The following BPNT1 variants were observed in gnomAD, a reference collection of about 807,000 sequenced individuals.
BPNT1 encodes the protein 3'(2'), 5'-bisphosphate nucleotidase 1.
In BPNT1, 28 loss-of-function variants were observed where a neutral mutation model predicts 36.9. The observed-to-expected ratio is 0.76, with a 90% CI of 0.56 to 1.04. The LOEUF (loss-of-function observed/expected upper bound fraction) is 1.04, where lower values mean the gene tolerates loss of function less well. Ranked by LOEUF, BPNT1 falls within the 50% of genes least tolerant of loss-of-function variation. BPNT1 has a pLI of 0.00. For synonymous variants in BPNT1, 119 were observed against 130.9 expected, an observed-to-expected ratio of 0.91 and a Z score of 0.62; for missense variants, 313 against 372.9, an observed-to-expected ratio of 0.84 and a Z score of 1.32.
chr1:220,085,083 A>G (rs1655588327), intron 1 of BPNT1, among the ~76,000 whole-genome samples: 2 of 152,046 alleles, frequency 1.3e-5, no homozygotes, highest in South Asian at 2.1e-4. Context: ...TAAAAAAAAA[A>G]AAAGAAAAAA....
intron 6 of BPNT1, among the ~76,000 whole-genome samples, chr1:220,066,706 T>C (rs1663564576): frequency 6.6e-6 from 1 of 152,134 alleles, no homozygotes; most frequent in Non-Finnish European, 1.5e-5. Context: ...TGATGTATAA[T>C]AGAAAATCAA....
chr1:220,063,924 A>G (rs903864443), intron 6 of BPNT1, among the ~76,000 whole-genome samples: 1 of 152,220 alleles, frequency 6.6e-6, no homozygotes, highest in African/African-American at 2.4e-5. Context: ...TTTCATGGAA[A>G]GTAAAACTGA....
chr1:220,075,347 TTAG>T (rs1239765162), intron 2 of BPNT1, among the ~76,000 whole-genome samples: 1 of 152,218 alleles, frequency 6.6e-6, no homozygotes, highest in African/African-American at 2.4e-5. Flanking sequence ...CAGCCTCATC[TTAG>T]TAGAATTTTA....
chr1:220,082,073 T>TAGAG, intron 1 of BPNT1, among the ~76,000 whole-genome samples: 1 of 107,506 alleles, frequency 9.3e-6, no homozygotes, highest in African/African-American at 3.2e-5. Flanking sequence ...AATATATATA[T>TAGAG]ATATATATAT....
At chr1:220,066,975 A>C (rs572283585) in intron 6 of BPNT1, 2 of 152,608 alleles carry the variant, frequency 1.3e-5, no homozygotes, top group African/African-American at 2.4e-5. Flanking sequence ...TAAATTAAAA[A>C]ATATATAATG....
chr1:220,058,688 T>C lies in BPNT1; in HGVS notation c.*156A>G. The C allele has an allele frequency of 1.2e-6, 1 of 800,668 alleles. No homozygotes were observed. Among genetic ancestry groups the C allele is most frequent in the Non-Finnish European group, 1.9e-6 (1 of 532,268 alleles). The allele number at this position is 800,668 out of a possible 1,614,324, so 49.6% of individuals were successfully genotyped here. On this transcript the variant is annotated 3_prime_UTR_variant, in exon 9 of 9. Coordinates refer to ENST00000322067, the MANE Select transcript of BPNT1 (RefSeq NM_006085.6). The stretch of plus-strand genomic sequence containing the variant: ...CTGGGATGACAGGCGCATGACAGGA[T>C]GCCCAGTTAATTTGTATTTTTGTAG...
intron 8 of BPNT1, among the ~76,000 whole-genome samples, 186 bp from the exon 9 acceptor site, chr1:220,059,178 C>G (rs1436355295): frequency 6.7e-6 from 1 of 149,678 alleles, no homozygotes; most frequent in Non-Finnish European, 1.5e-5. Context: ...ACAATTTTAA[C>G]TAACTAAAGG....
At chr1:220,067,183 T>C in intron 6 of BPNT1, 119 bp downstream of exon 6, 1 of 357,792 alleles carries the variant, frequency 2.8e-6, no homozygotes, top group Admixed American at 4.7e-5. Context: ...AATGAAAAGT[T>C]CCCCAGATGA....
At chr1:220,074,891 G>A (rs1444273580) in intron 2 of BPNT1, among the ~76,000 whole-genome samples, 1 of 152,162 alleles carries the variant, frequency 6.6e-6, no homozygotes, top group South Asian at 2.1e-4. Flanking sequence ...CAATCAATAT[G>A]TCAGATACTC....
intron 1 of BPNT1, among the ~76,000 whole-genome samples, chr1:220,089,249 A>G (rs1656083587): frequency 6.6e-6 from 1 of 152,150 alleles, no homozygotes; most frequent in African/African-American, 2.4e-5. Flanking sequence ...AAAGCGGTGA[A>G]CCCTCTTAGG....
chr1:220,070,911 G>A (rs1571759496), intron 4 of BPNT1, among the ~76,000 whole-genome samples: 1 of 151,146 alleles, frequency 6.6e-6, no homozygotes, highest in Non-Finnish European at 1.5e-5. Flanking sequence ...GCTGAGGCGG[G>A]CAGATCACCT....
At chr1:220,067,526 T>C in intron 5 of BPNT1, 133 bp from the exon 6 acceptor site, 1 of 503,888 alleles carries the variant, frequency 2.0e-6, no homozygotes, top group East Asian at 3.7e-5. Flanking sequence ...ATCAATCCTA[T>C]TTATAGTGAA....
At chr1:220,078,194 A>G (rs1381748591) in intron 2 of BPNT1, among the ~76,000 whole-genome samples, 1 of 149,064 alleles carries the variant, frequency 6.7e-6, no homozygotes, top group Non-Finnish European at 1.5e-5. Flanking sequence ...CTTTAAAAAA[A>G]AAAAAAAAAA....
intron 1 of BPNT1, among the ~76,000 whole-genome samples, chr1:220,087,290 C>T (rs920487773): frequency 2.0e-5 from 3 of 152,074 alleles, no homozygotes; most frequent in South Asian, 2.1e-4. Flanking sequence ...TTGCTGGGCG[C>T]GGTGGCCTGT....
At chr1:220,066,799 A>C (rs945667972) in intron 6 of BPNT1, among the ~76,000 whole-genome samples, 1 of 152,206 alleles carries the variant, frequency 6.6e-6, no homozygotes, top group African/African-American at 2.4e-5. Flanking sequence ...TAGGCGCTAC[A>C]CAGCGTTACC....
chr1:220,082,091 G>T (rs796881348), intron 1 of BPNT1, among the ~76,000 whole-genome samples: 18,154 of 124,172 alleles, frequency 0.15, 1,172 homozygotes, highest in Non-Finnish European at 0.16. Flanking sequence ...TATATAGAGA[G>T]AGAGAGAGAG....
intron 6 of BPNT1, 174 bp downstream of exon 6, chr1:220,067,127 TA>T (rs998794689): frequency 9.2e-4 from 179 of 194,468 alleles, no homozygotes; most frequent in Middle Eastern, 2.0e-3. Flanking sequence ...ATAGCATAGC[TA>T]AAAAAAAAGT....
chr1:220,058,953 T>C lies in BPNT1; in HGVS notation c.818A>G (p.His273Arg). ...TDIHGNVLQY[H>R]KDVKHMNSAG... ...AGAGTTCATATGCTTCACATCCTTG[T>C]GGTACTGAAGAACATTCCCATGGAT... Residue 273 changes from histidine to arginine, a missense_variant, in exon 9 of 9, where the codon CAC becomes CGC. Transcript: ENST00000322067. 6.2e-7 allele frequency: 1 copy of C among 1,613,888 alleles called. No individual in the cohort carries two copies. Among genetic ancestry groups the C allele is most frequent in the Non-Finnish European group, 8.5e-7 (1 of 1,179,766 alleles).
chr1:220,086,095 A>G (rs892989697), intron 1 of BPNT1, among the ~76,000 whole-genome samples: 13 of 152,200 alleles, frequency 8.5e-5, no homozygotes. Context: ...CCCCTTATCA[A>G]TTATCAAAAT....
Sources: allele counts gnomAD v4.1 joint callset (sites outside exome capture counted in the v4.1 genomes callset), GRCh38; gene constraint gnomAD v4.1.1; transcripts MANE v1.5; gene names NCBI Gene and HGNC (gene_info 2026-07-23, HGNC 2026-07-21).